MLLT10: variants seen among roughly 807,000 people sequenced by gnomAD.
MLLT10 encodes protein AF-10.
Under a neutral mutation model 129.1 loss-of-function variants are expected in MLLT10, and 30 were observed. That is an observed-to-expected ratio of 0.23 (90% CI 0.17 to 0.32). The LOEUF is 0.32. Ranked by LOEUF, MLLT10 falls within the 10% of genes least tolerant of loss-of-function variation. The pLI, the probability that MLLT10 is intolerant of heterozygous loss-of-function variation, is 1.00. For synonymous variants in MLLT10, 490 were observed against 446.4 expected, an observed-to-expected ratio of 1.10 and a Z score of -1.23; for missense variants, 1,119 against 1,268.3, an observed-to-expected ratio of 0.88 and a Z score of 1.79.
At chr10:21,649,083 G>C (rs1589425877) in intron 8 of MLLT10, among the ~76,000 whole-genome samples, 1 of 151,988 alleles carries the variant, frequency 6.6e-6, no homozygotes, top group East Asian at 1.9e-4. Flanking sequence ...TGTTATTTTA[G>C]TTTTTTTAAA....
chr10:21,542,441 G>A (rs1482644265), intron 3 of MLLT10, among the ~76,000 whole-genome samples: 1 of 152,144 alleles, frequency 6.6e-6, no homozygotes, highest in African/African-American at 2.4e-5. Flanking sequence ...GTGGTAGTGA[G>A]CGCCTGTAAT....
chr10:21,603,751 A>C (rs934474500), intron 5 of MLLT10, among the ~76,000 whole-genome samples: 4 of 151,788 alleles, frequency 2.6e-5, no homozygotes, highest in African/African-American at 9.7e-5. Context: ...CCTTTTGAGA[A>C]CTCTTAAGGG....
intron 8 of MLLT10, among the ~76,000 whole-genome samples, chr10:21,648,334 CTTTATTG>C (rs1479407800): frequency 1.3e-5 from 2 of 152,114 alleles, no homozygotes; most frequent in African/African-American, 2.4e-5. Flanking sequence ...GACCAGAGTT[CTTTATTG>C]TTCCATGATT....
intron 3 of MLLT10, among the ~76,000 whole-genome samples, chr10:21,552,084 G>C (rs2037148290): frequency 6.6e-6 from 1 of 152,050 alleles, no homozygotes; most frequent in Non-Finnish European, 1.5e-5. Flanking sequence ...ACACCGCCAT[G>C]CCTGTGTAAT....
At chr10:21,564,058 C>T (rs768225310) in intron 3 of MLLT10, among the ~76,000 whole-genome samples, 22 of 152,190 alleles carry the variant, frequency 1.4e-4, no homozygotes, top group African/African-American at 2.4e-4. Context: ...GTGATCCACC[C>T]GCCTTGGCCT....
rs1375052779 is a variant in MLLT10 at position 21,583,916 on chromosome 10, C to T, written c.241-2378C>T. ...ACGGAGTCTCGCTCTGTCACCCAGG[C>T]TGGAGTGCAGTGACGCGATCTCGGC... On this transcript the variant is annotated intron_variant, in intron 3 of 22. Coordinates refer to ENST00000307729, the MANE Select transcript of MLLT10 (RefSeq NM_001195626.3). Among the ~76,000 whole-genome samples, 5 of 151,866 alleles carry T rather than the reference C, an allele frequency of 3.3e-5. No homozygotes were observed. The East Asian group carries it at 9.7e-4, about 29-fold the overall frequency.
intron 13 of MLLT10, chr10:21,708,771 G>T: frequency 2.0e-6 from 2 of 983,756 alleles, no homozygotes; most frequent in Non-Finnish European, 2.4e-6. Context: ...ACTGCATGTT[G>T]TGATGGTAAT....
At chr10:21,566,988 T>C (rs1215884795) in intron 3 of MLLT10, among the ~76,000 whole-genome samples, 2 of 152,080 alleles carry the variant, frequency 1.3e-5, no homozygotes, top group Non-Finnish European at 2.9e-5. Flanking sequence ...TAATTTTGTA[T>C]TTTTAGTAGA....
intron 3 of MLLT10, among the ~76,000 whole-genome samples, chr10:21,569,406 A>G (rs898446299): frequency 1.1e-4 from 16 of 150,334 alleles, no homozygotes; most frequent in African/African-American, 3.7e-4. Context: ...TACAGGCAAT[A>G]TGCTACCATA....
chr10:21,621,638 A>G (rs1180976511), intron 8 of MLLT10, among the ~76,000 whole-genome samples: 1 of 23,370 alleles, frequency 4.3e-5, no homozygotes, highest in African/African-American at 1.7e-4. Context: ...CCCCAATCCC[A>G]CTGGCGCCAC....
At chr10:21,670,376 G>C in intron 9 of MLLT10, 73 bp from the exon 10 acceptor site, 1 of 1,402,986 alleles carries the variant, frequency 7.1e-7, no homozygotes, top group Non-Finnish European at 9.6e-7. Flanking sequence ...TCTTATTAAT[G>C]TGGCACCCAT....
chr10:21,548,234 A>C (rs1366800576), intron 3 of MLLT10, among the ~76,000 whole-genome samples: 1 of 151,960 alleles, frequency 6.6e-6, no homozygotes, highest in South Asian at 2.1e-4. Context: ...GTGTCCTTCC[A>C]TTTTTTATTT....
intron 3 of MLLT10, among the ~76,000 whole-genome samples, chr10:21,572,988 GTAT>G (rs1220009267): frequency 6.6e-6 from 1 of 151,910 alleles, no homozygotes; most frequent in Non-Finnish European, 1.5e-5. Context: ...CAATTATAAA[GTAT>G]TATAAAAATT....
intron 3 of MLLT10, among the ~76,000 whole-genome samples, chr10:21,558,771 A>C (rs2038413277): frequency 6.6e-6 from 1 of 152,130 alleles, no homozygotes; most frequent in African/African-American, 2.4e-5. Context: ...CCACAGTGGC[A>C]CTATGTCATA....
rs370690509 is a variant in MLLT10 at position 21,681,375 on chromosome 10, T to C, written c.1665T>C (p.Thr555=). 5 of 1,609,024 alleles carry C rather than the reference T, an allele frequency of 3.1e-6. No individual in the cohort carries two copies. The South Asian group carries it at 5.5e-5, about 18-fold the overall frequency. The change falls in exon 12 of 23, where the codon ACT becomes ACC. Residue 555 remains threonine, a splice_region_variant and synonymous_variant. Coordinates refer to ENST00000307729, the MANE Select transcript of MLLT10 (RefSeq NM_001195626.3). ...QYRHDGACPT[T]TFSELLNAIH... is the part of the protein sequence containing the mutation. ...GGCATGATGGAGCTTGCCCAACAAC[T>C]AGTAAGTTGTCAAACTGGGTTGATA...
chr10:21,721,656 C>T (rs990505691), intron 14 of MLLT10, among the ~76,000 whole-genome samples: 1 of 152,088 alleles, frequency 6.6e-6, no homozygotes, highest in African/African-American at 2.4e-5. Flanking sequence ...TGCCAGTCTA[C>T]TTAGGAAATA....
At chr10:21,624,951 G>T in intron 8 of MLLT10, 3 of 1,308,544 alleles carry the variant, frequency 2.3e-6, no homozygotes, top group Non-Finnish European at 3.2e-6. Context: ...CCTCCCCCTT[G>T]GTGGTGGTGA....
chr10:21,688,554 C>T (rs1167005171), intron 13 of MLLT10: 3 of 1,606,010 alleles, frequency 1.9e-6, no homozygotes, highest in Non-Finnish European at 1.7e-6. Flanking sequence ...TACCAAACTC[C>T]AGCATGGTTC....
intron 8 of MLLT10, among the ~76,000 whole-genome samples, chr10:21,649,135 G>A (rs2048780504): frequency 6.6e-6 from 1 of 152,124 alleles, no homozygotes; most frequent in Admixed American, 6.5e-5. Flanking sequence ...GAGTGCAGTG[G>A]TATGATCACA....
Sources: gnomAD v4.1 joint callset for allele counts (sites outside exome capture counted in the v4.1 genomes callset) on GRCh38, gnomAD v4.1.1 for gene constraint, MANE v1.5 for transcripts, NCBI Gene and HGNC (gene_info 2026-07-23, HGNC 2026-07-21) for gene names.